CLASP2: variants seen among roughly 807,000 people sequenced by gnomAD.
CLASP2 encodes the protein cytoplasmic linker associated protein 2.
A neutral mutation model predicts 194.4 loss-of-function variants in CLASP2; 47 were observed. The observed-to-expected ratio is 0.24, with a 90% CI of 0.19 to 0.31. The LOEUF is 0.31. Among genes scored for constraint, CLASP2 ranks in the 10% least tolerant of loss-of-function variants. CLASP2 has a pLI of 1.00. For synonymous variants in CLASP2, 619 were observed against 633.5 expected (o/e 0.98, Z 0.34); for missense variants, 1,445 against 1,823.6 (o/e 0.79, Z 3.78).
chr3:33,663,839 A>G (rs1318464791), intron 6 of CLASP2, among the ~76,000 whole-genome samples: 2 of 152,194 alleles, frequency 1.3e-5, no homozygotes, highest in African/African-American at 2.4e-5. Context: ...CAACCTCATA[A>G]TAAGTCTACT....
At chr3:33,566,558 T>C (rs1442758602) in intron 27 of CLASP2, among the ~76,000 whole-genome samples, 174 bp downstream of exon 27, 1 of 152,200 alleles carries the variant, frequency 6.6e-6, no homozygotes. Flanking sequence ...AATTAGTAGA[T>C]TAAAAAGCAT....
In CLASP2 at chr3:33,718,007, G is replaced by GCGGC; in HGVS notation, c.-9_-6dup. On this transcript the variant is annotated 5_prime_UTR_variant, in exon 1 of 39. Coordinates refer to ENST00000682230, the MANE Select transcript of CLASP2 (RefSeq NM_001365631.1). ...CTCCATGCTGCGGGGCTCCATGGCTGCGGCCGCCCGCCCGCCTGCCAGTCT... is the reference window on the plus strand; with the variant it reads ...CTCCATGCTGCGGGGCTCCATGGCTGCGGCCGGCCGCCCGCCCGCCTGCCAGTCT... 6.8e-7 allele frequency: 1 copy of GCGGC among 1,460,746 alleles called. No individual in the cohort carries two copies. The highest frequency in any genetic ancestry group is 9.0e-7 in the Non-Finnish European group (1 of 1,113,092). 90.5% of individuals were successfully genotyped at this position (1,460,746 alleles called of 1,614,324 possible).
chr3:33,636,515 T>G (rs2080167538), intron 8 of CLASP2, among the ~76,000 whole-genome samples: 1 of 151,970 alleles, frequency 6.6e-6, no homozygotes, highest in Admixed American at 6.6e-5. Context: ...ATTACAGGTA[T>G]AAAAGAAAGA....
chr3:33,514,543 T>C (rs1331085006), intron 36 of CLASP2: 1 of 166,680 alleles, frequency 6.0e-6, no homozygotes, highest in African/African-American at 2.4e-5. Context: ...CTTTTTTGAT[T>C]TGTCTTTTGC....
At chr3:33,584,980 G>T in intron 21 of CLASP2, 60 bp from the exon 22 acceptor site, 1 of 1,455,150 alleles carries the variant, frequency 6.9e-7, no homozygotes, top group Non-Finnish European at 9.3e-7. Context: ...TTTGCTGAAA[G>T]GATAAAAATT....
rs185652272 is a variant in CLASP2, at chr3:33,550,325, G to A, written c.3153+927C>T. Among the ~76,000 whole-genome samples the A allele has an allele frequency of 1.5e-3, 218 of 149,942 alleles. 1 individual carries two copies. The highest frequency in any genetic ancestry group is 0.014 in the Middle Eastern group (4 of 288). ...GCATGAGAATCACTTGAATTGGAAG[G>A]TGGAGGTTGCAGTGAGCCAGTATCA... On this transcript the variant is annotated intron_variant, in intron 30 of 38. Transcript: ENST00000682230.
intron 7 of CLASP2, among the ~76,000 whole-genome samples, chr3:33,655,105 C>G (rs1019752910): frequency 2.6e-5 from 4 of 152,064 alleles, no homozygotes; most frequent in African/African-American, 9.7e-5. Flanking sequence ...TATTTAGAAC[C>G]TTTACAAAAT....
At chr3:33,651,252 G>A (rs28717062) in intron 7 of CLASP2, among the ~76,000 whole-genome samples, 2 of 151,846 alleles carry the variant, frequency 1.3e-5, no homozygotes, top group Non-Finnish European at 2.9e-5. Context: ...GCATGGTGGC[G>A]CATGCCTGTA....
Position 33,717,800 on chromosome 3 carries a change from T to C in CLASP2, c.195+8A>G. On this transcript the variant is annotated splice_region_variant and intron_variant, in intron 1 of 38. Transcript: ENST00000682230. The stretch of plus-strand genomic sequence containing the variant: ...CGTGACCAGCCCAGCCTCGCCGCCG[T>C]CGCTTACCCGGTAGTTGCTCGAACC... 1.9e-6 allele frequency: 3 copies of C among 1,552,514 alleles called. No individual in the cohort carries two copies. Among genetic ancestry groups the C allele is most frequent in the Non-Finnish European group, 8.7e-7 (1 of 1,148,748 alleles).
At position 33,554,096 on chromosome 3, in the gene CLASP2, T is replaced by C. The variant is rs376776484; in HGVS notation, c.3010-2701A>G. ...TACAAAAATTAGCCGGGCGTGGTGG[T>C]GGGCGCCTGTAATCCCAGCTACTCG... On this transcript the variant is annotated intron_variant, in intron 29 of 38. Transcript: ENST00000682230. 1.9e-4 allele frequency among the ~76,000 whole-genome samples: 29 copies of C among 151,810 alleles called. No individual in the cohort carries two copies. In the South Asian group the frequency reaches 5.4e-3, roughly 28 times the overall value.
At chr3:33,527,970 CA>C (rs1283919589) in intron 34 of CLASP2, among the ~76,000 whole-genome samples, 1 of 151,078 alleles carries the variant, frequency 6.6e-6, no homozygotes, top group Non-Finnish European at 1.5e-5. Context: ...CAAAACAAAA[CA>C]AAAAAAACCA....
At chr3:33,533,424 C>G (rs2056725360) in intron 34 of CLASP2, among the ~76,000 whole-genome samples, 1 of 152,140 alleles carries the variant, frequency 6.6e-6, no homozygotes. Flanking sequence ...CACTCCTCAA[C>G]TTTGCTAGTA....
chr3:33,609,194 C>G (rs527984376), intron 13 of CLASP2, among the ~76,000 whole-genome samples: 109 of 151,748 alleles, frequency 7.2e-4, no homozygotes, highest in African/African-American at 2.2e-3. Flanking sequence ...GCAAGAGAAT[C>G]GCTTGAACCT....
chr3:33,690,799 C>G (rs112282227), intron 2 of CLASP2, among the ~76,000 whole-genome samples: 1 of 152,286 alleles, frequency 6.6e-6, no homozygotes, highest in African/African-American at 2.4e-5. Context: ...ACTGTTCATG[C>G]TACCTGCCTA....
chr3:33,640,380 C>T (rs1022726265), intron 8 of CLASP2, among the ~76,000 whole-genome samples: 1 of 152,014 alleles, frequency 6.6e-6, no homozygotes, highest in East Asian at 1.9e-4. Context: ...TGAAGTAAAA[C>T]AAATAGAAAA....
At chr3:33,519,360 T>G (rs2052322911) in intron 34 of CLASP2, among the ~76,000 whole-genome samples, 1 of 152,134 alleles carries the variant, frequency 6.6e-6, no homozygotes, top group African/African-American at 2.4e-5. Flanking sequence ...TGTGCCCGAT[T>G]GTAATGTGGG....
chr3:33,518,795 C>T (rs894009369), intron 34 of CLASP2, among the ~76,000 whole-genome samples: 4 of 152,202 alleles, frequency 2.6e-5, no homozygotes, highest in African/African-American at 9.7e-5. Context: ...ATATAATGAT[C>T]TGGACAGATG....
intron 37 of CLASP2, among the ~76,000 whole-genome samples, chr3:33,506,753 C>T (rs1264300266): frequency 6.6e-6 from 1 of 152,004 alleles, no homozygotes; most frequent in East Asian, 1.9e-4. Flanking sequence ...ACTCTTCTTC[C>T]CCACAAAAAA....
At chr3:33,686,392 A>C (rs1184167470) in intron 5 of CLASP2, among the ~76,000 whole-genome samples, 1 of 152,118 alleles carries the variant, frequency 6.6e-6, no homozygotes, top group Non-Finnish European at 1.5e-5. Flanking sequence ...TACCGCCTGA[A>C]CTCTACCTCC....
Sources: allele counts gnomAD v4.1 joint callset (sites outside exome capture counted in the v4.1 genomes callset), GRCh38; gene constraint gnomAD v4.1.1; transcripts MANE v1.5; gene names NCBI Gene and HGNC (gene_info 2026-07-23, HGNC 2026-07-21).